Variants in ANKMY2 observed in about 807,000 individuals in gnomAD.
ANKMY2 encodes the protein ankyrin repeat and MYND domain containing 2.
Under a neutral mutation model 50.4 loss-of-function variants are expected in ANKMY2, and 36 were observed. The observed-to-expected ratio is 0.71, with a 90% confidence interval of 0.55 to 0.94. The LOEUF is 0.94. Ranked by LOEUF, ANKMY2 falls within the 40% of genes least tolerant of loss-of-function variation. The pLI is 0.00. For synonymous variants in ANKMY2, 187 were observed against 178.8 expected, an observed-to-expected ratio of 1.05 and a Z score of -0.36; for missense variants, 565 against 524.0, an observed-to-expected ratio of 1.08 and a Z score of -0.76.
intron 2 of ANKMY2, among the ~76,000 whole-genome samples, chr7:16,629,627 T>C (rs945426374): frequency 3.3e-5 from 5 of 152,150 alleles, no homozygotes; most frequent in African/African-American, 1.2e-4. Flanking sequence ...ATACAGTATA[T>C]GATTTTCAGA....
chr7:16,620,210 G>A (rs541662939), intron 4 of ANKMY2, among the ~76,000 whole-genome samples: 38 of 152,232 alleles, frequency 2.5e-4, no homozygotes, highest in African/African-American at 7.7e-4. Flanking sequence ...AGGAGAGAGA[G>A]GACAGTAAGA....
intron 7 of ANKMY2, among the ~76,000 whole-genome samples, 179 bp from the exon 8 acceptor site, chr7:16,605,028 T>C (rs569317365): frequency 2.0e-5 from 3 of 152,294 alleles, no homozygotes; most frequent in African/African-American, 7.2e-5. Flanking sequence ...GAATATACCA[T>C]TTTCTGTACA....
At chr7:16,620,797 A>G (rs547218378) in intron 4 of ANKMY2, among the ~76,000 whole-genome samples, 1 of 152,336 alleles carries the variant, frequency 6.6e-6, no homozygotes, top group South Asian at 2.1e-4. Flanking sequence ...TATGTTTATA[A>G]GTTATACTAC....
chr7:16,614,615 A>T (rs1482273970), intron 5 of ANKMY2, among the ~76,000 whole-genome samples: 1 of 152,224 alleles, frequency 6.6e-6, no homozygotes, highest in Admixed American at 6.5e-5. Context: ...TTTGGATCTT[A>T]TATCTTTGAG....
chr7:16,622,125 G>A (rs1232561816), intron 4 of ANKMY2, among the ~76,000 whole-genome samples: 12 of 151,972 alleles, frequency 7.9e-5, no homozygotes, highest in African/African-American at 2.9e-4. Flanking sequence ...GGAGGAGGAA[G>A]AGGAGGACTG....
rs1781519520 is a variant in ANKMY2 at position 16,627,240 on chromosome 7, C to T, written c.133-62G>A. On this transcript the variant is annotated intron_variant, in intron 2 of 9. Coordinates refer to ENST00000306999, the MANE Select transcript of ANKMY2 (RefSeq NM_020319.3). ...GTTTTATCTTTTCTGTACCTATGAA[C>T]AATTTCTGCAATTAGAAACATAAAA... The T allele has an allele frequency of 5.7e-6, 6 of 1,052,336 alleles. No individual in the cohort carries two copies. In the South Asian group the frequency reaches 6.0e-5, roughly 11 times the overall value. The allele number at this position is 1,052,336 out of a possible 1,614,324, so 65.2% of individuals were successfully genotyped here. A position where few individuals can be genotyped will look rare whatever the true frequency, so the allele number is the denominator to read the frequency against.
intron 5 of ANKMY2, among the ~76,000 whole-genome samples, chr7:16,611,907 G>C (rs1247412908): frequency 1.3e-5 from 2 of 152,104 alleles, no homozygotes; most frequent in African/African-American, 4.8e-5. Flanking sequence ...CAGGCACATG[G>C]GGCACTTTCC....
At chr7:16,608,340 G>A (rs749338854) in intron 7 of ANKMY2, among the ~76,000 whole-genome samples, 1 of 152,172 alleles carries the variant, frequency 6.6e-6, no homozygotes, top group Non-Finnish European at 1.5e-5. Flanking sequence ...TAAAAAGTAT[G>A]AGTAAAGAAA....
intron 2 of ANKMY2, among the ~76,000 whole-genome samples, chr7:16,628,107 G>A (rs1244373472): frequency 6.6e-6 from 1 of 152,212 alleles, no homozygotes; most frequent in Non-Finnish European, 1.5e-5. Context: ...TATTTGGTAG[G>A]TAAATGGATG....
chr7:16,633,378 T>A (rs992222023), intron 2 of ANKMY2, among the ~76,000 whole-genome samples: 40 of 152,196 alleles, frequency 2.6e-4, no homozygotes, highest in African/African-American at 7.5e-4. Flanking sequence ...TTTCATGAAC[T>A]GAAAGCTCAG....
chr7:16,603,863 C>A (rs1266790579), intron 8 of ANKMY2, among the ~76,000 whole-genome samples: 1 of 152,240 alleles, frequency 6.6e-6, no homozygotes, highest in Non-Finnish European at 1.5e-5. Flanking sequence ...TGGAGCACAA[C>A]TGCCCCAGCT....
intron 2 of ANKMY2, among the ~76,000 whole-genome samples, chr7:16,632,186 T>C (rs925325409): frequency 6.6e-6 from 1 of 151,832 alleles, no homozygotes; most frequent in Non-Finnish European, 1.5e-5. Context: ...TCCCAAGCTG[T>C]ATCTATATTT....
chr7:16,618,762 CA>C (rs1483167356), intron 4 of ANKMY2, among the ~76,000 whole-genome samples: 4 of 152,298 alleles, frequency 2.6e-5, no homozygotes, highest in Admixed American at 2.0e-4. Context: ...AAATCTAATG[CA>C]AGTGGGTTAT....
chr7:16,615,843 G>A lies in ANKMY2; in HGVS notation c.432C>T (p.Tyr144=). 1 of 1,614,126 alleles carries A rather than the reference G, an allele frequency of 6.2e-7. No individual in the cohort carries two copies. The highest frequency in any genetic ancestry group is 8.5e-7 in the Non-Finnish European group (1 of 1,179,998). ...NFFPRERLDY[Y]TKPQGLDKEP... ...CTTTATCCAGTCCCTGGGGCTTAGT[G>A]TAATAATCCAGTCTCTCTCGAGGAA... The change falls in exon 5 of 10, where the codon TAC becomes TAT. Residue 144 remains tyrosine, a synonymous_variant. Transcript: ENST00000306999.
chr7:16,605,415 A>T (rs1457949934), intron 7 of ANKMY2, among the ~76,000 whole-genome samples: 1 of 152,224 alleles, frequency 6.6e-6, no homozygotes, highest in African/African-American at 2.4e-5. Flanking sequence ...CAATTGAATC[A>T]AAGTATTAAG....
At chr7:16,626,586 T>A (rs1443764909) in intron 3 of ANKMY2, among the ~76,000 whole-genome samples, 3 of 152,220 alleles carry the variant, frequency 2.0e-5, no homozygotes, top group African/African-American at 7.2e-5. Context: ...AAATTGTCCT[T>A]ATTCAGCAAA....
At chr7:16,641,790 C>A (rs984506774) in intron 1 of ANKMY2, among the ~76,000 whole-genome samples, 6 of 151,694 alleles carry the variant, frequency 4.0e-5, no homozygotes, top group South Asian at 2.1e-4. Flanking sequence ...GCCAGCCCCC[C>A]CTCAAAAAAA....
intron 7 of ANKMY2, among the ~76,000 whole-genome samples, chr7:16,607,317 G>A (rs763081903): frequency 2.6e-5 from 4 of 152,148 alleles, no homozygotes; most frequent in Non-Finnish European, 5.9e-5. Flanking sequence ...TGTAATCTCA[G>A]CACTTTGGGA....
intron 7 of ANKMY2, among the ~76,000 whole-genome samples, chr7:16,605,660 G>A (rs1405962269): frequency 1.4e-5 from 2 of 145,878 alleles, no homozygotes; most frequent in Admixed American, 1.4e-4. Flanking sequence ...ACTACGCCCA[G>A]CTAATTTTTT....
Sources: gnomAD v4.1 joint callset for allele counts (sites outside exome capture counted in the v4.1 genomes callset) on GRCh38, gnomAD v4.1.1 for gene constraint, MANE v1.5 for transcripts, NCBI Gene and HGNC (gene_info 2026-07-23, HGNC 2026-07-21) for gene names.